CHRM3: variants seen among roughly 807,000 people sequenced by gnomAD.
CHRM3 encodes cholinergic receptor muscarinic 3.
Under a neutral mutation model 41.8 loss-of-function variants are expected in CHRM3, and 11 were observed. The ratio of observed to expected loss-of-function variants is 0.26; its 90% CI spans 0.17 to 0.44. The LOEUF is 0.44. Among genes scored for constraint, CHRM3 ranks in the 20% least tolerant of loss-of-function variants. The pLI is 1.00. For missense variants in CHRM3, 571 were observed against 745.4 expected (o/e 0.77, Z 2.72); for synonymous variants, 297 against 301.4 (o/e 0.99, Z 0.15).
intron 5 of CHRM3, among the ~76,000 whole-genome samples, chr1:239,739,857 T>C (rs1466643564): frequency 6.6e-6 from 1 of 152,170 alleles, no homozygotes; most frequent in African/African-American, 2.4e-5. Context: ...TGATGGGCCC[T>C]TCACATCTGG....
intron 1 of CHRM3, among the ~76,000 whole-genome samples, chr1:239,465,326 G>A (rs1665646834): frequency 6.6e-6 from 1 of 152,114 alleles, no homozygotes; most frequent in South Asian, 2.1e-4. Flanking sequence ...AATGGCATGA[G>A]ATATTTATAA....
At chr1:239,713,521 A>G (rs1353376917) in intron 5 of CHRM3, among the ~76,000 whole-genome samples, 1 of 152,216 alleles carries the variant, frequency 6.6e-6, no homozygotes. Flanking sequence ...CTGTAATCTT[A>G]TTCTGTTTAC....
chr1:239,699,571 G>C (rs1660499845), intron 5 of CHRM3, among the ~76,000 whole-genome samples: 1 of 152,140 alleles, frequency 6.6e-6, no homozygotes, highest in Non-Finnish European at 1.5e-5. Flanking sequence ...TCTTGCTTAA[G>C]TCACCCGATC....
rs371232279 is a variant in CHRM3 at position 239,602,090 on chromosome 1, A to ATATATGTGTGTGTGTGTGTG, written c.-312-30133_-312-30132insATATGTGTGTGTGTGTGTGT. Among the ~76,000 whole-genome samples the ATATATGTGTGTGTGTGTGTG allele has an allele frequency of 2.9e-4, 38 of 131,228 alleles. 1 individual carries two copies. The highest frequency in any genetic ancestry group is 8.4e-4 in the African/African-American group (26 of 30,862). The allele number at this position is 131,228 out of a possible 152,430, so 86.1% of individuals were successfully genotyped here. ...CACATATGTACACATACATATATAC[A>ATATATGTGTGTGTGTGTGTG]TGTGTGTGTGTGTGTGTGTGTATAT... On this transcript the variant is annotated intron_variant, in intron 3 of 6. Coordinates refer to ENST00000676153, the MANE Select transcript of CHRM3 (RefSeq NM_001375978.1).
At chr1:239,425,356 C>T (rs935749945) in intron 1 of CHRM3, among the ~76,000 whole-genome samples, 4 of 152,098 alleles carry the variant, frequency 2.6e-5, no homozygotes, top group African/African-American at 4.8e-5. Context: ...CTACTATGTG[C>T]CAAGCTTTAT....
intron 2 of CHRM3, among the ~76,000 whole-genome samples, chr1:239,521,084 A>G (rs1282087650): frequency 6.6e-6 from 1 of 152,254 alleles, no homozygotes; most frequent in Non-Finnish European, 1.5e-5. Flanking sequence ...TCAGATTTAT[A>G]TTAAAATGAA....
intron 2 of CHRM3, among the ~76,000 whole-genome samples, chr1:239,500,698 GA>G (rs955834516): frequency 2.8e-4 from 40 of 143,868 alleles, no homozygotes; most frequent in African/African-American, 8.1e-4. Flanking sequence ...ATGTTAAAAA[GA>G]AAAAAAAACA....
At chr1:239,721,022 T>C (rs1662918868) in intron 5 of CHRM3, among the ~76,000 whole-genome samples, 2 of 151,882 alleles carry the variant, frequency 1.3e-5, no homozygotes, top group Admixed American at 1.3e-4. Context: ...AAATGAGAAT[T>C]GTATATTGTG....
At chr1:239,671,215 A>T (rs1674331822) in intron 4 of CHRM3, among the ~76,000 whole-genome samples, 1 of 152,070 alleles carries the variant, frequency 6.6e-6, no homozygotes, top group African/African-American at 2.4e-5. Context: ...CATTTCTTCA[A>T]CTCAGTGAGG....
chr1:239,653,309 G>T (rs984906449), intron 4 of CHRM3, among the ~76,000 whole-genome samples: 4 of 152,154 alleles, frequency 2.6e-5, no homozygotes, highest in African/African-American at 9.7e-5. Flanking sequence ...GAGATGATGA[G>T]GAGTGAGGAG....
At chr1:239,607,441 G>C (rs1666468682) in intron 3 of CHRM3, among the ~76,000 whole-genome samples, 2 of 152,092 alleles carry the variant, frequency 1.3e-5, no homozygotes, top group Admixed American at 1.3e-4. Flanking sequence ...TCTTAGTTTG[G>C]AGGTTGCCTG....
intron 2 of CHRM3, among the ~76,000 whole-genome samples, chr1:239,519,728 T>C (rs555510347): frequency 6.8e-6 from 1 of 146,744 alleles, no homozygotes; most frequent in Admixed American, 6.8e-5. Flanking sequence ...TTTCACGTGG[T>C]TAAAAACTAG....
intron 5 of CHRM3, chr1:239,704,767 T>C (rs1660990407): frequency 6.6e-6 from 1 of 152,076 alleles, no homozygotes; most frequent in African/African-American, 2.4e-5. Context: ...AAGATACAAA[T>C]AGAGCTAGAG....
chr1:239,840,267 T>C (rs1673683028), intron 6 of CHRM3, among the ~76,000 whole-genome samples: 1 of 152,210 alleles, frequency 6.6e-6, no homozygotes, highest in African/African-American at 2.4e-5. Flanking sequence ...AAGAAGTCAG[T>C]TACCTTGGGA....
intron 6 of CHRM3, among the ~76,000 whole-genome samples, chr1:239,858,618 A>G (rs966339846): frequency 6.6e-6 from 1 of 152,080 alleles, no homozygotes; most frequent in African/African-American, 2.4e-5. Flanking sequence ...ATAACGTAAA[A>G]TTAGTCACGA....
intron 3 of CHRM3, among the ~76,000 whole-genome samples, chr1:239,576,249 TC>T (rs1662321308): frequency 6.8e-6 from 1 of 146,342 alleles, no homozygotes; most frequent in Non-Finnish European, 1.5e-5. Flanking sequence ...CTGTAAGACT[TC>T]CTAAACCCTC....
chr1:239,748,155 G>A lies in CHRM3; in HGVS notation c.-147+69867G>A, dbSNP rs1205266235. 6.6e-6 allele frequency among the ~76,000 whole-genome samples: 1 copy of A among 152,142 alleles called. No homozygotes were observed. Among genetic ancestry groups the A allele is most frequent in the East Asian group, 1.9e-4 (1 of 5,200 alleles). ...TCCAAAATTGTACTGGATTGCCAACGTTTGCATTATTTTAAACCACCACTT... is the reference window on the plus strand; with the variant it reads ...TCCAAAATTGTACTGGATTGCCAACATTTGCATTATTTTAAACCACCACTT... On this transcript the variant is annotated intron_variant, in intron 5 of 6. Coordinates refer to ENST00000676153, the MANE Select transcript of CHRM3 (RefSeq NM_001375978.1). This position sits in a 1 kb window ranked among gnomAD's most constrained non-coding sequence, Gnocchi z 4.3.
At chr1:239,702,147 A>ACTT (rs1330195819) in intron 5 of CHRM3, among the ~76,000 whole-genome samples, 4 of 152,132 alleles carry the variant, frequency 2.6e-5, no homozygotes, top group Admixed American at 6.6e-5. Flanking sequence ...ATGCTTGGTG[A>ACTT]ATGTTGCTGC....
At chr1:239,520,122 G>A (rs1669545236) in intron 2 of CHRM3, among the ~76,000 whole-genome samples, 1 of 152,132 alleles carries the variant, frequency 6.6e-6, no homozygotes, top group Non-Finnish European at 1.5e-5. Flanking sequence ...AGTCATTGCT[G>A]AGGAAGAATT....
Sources: gnomAD v4.1 joint callset for allele counts (sites outside exome capture counted in the v4.1 genomes callset) on GRCh38, gnomAD v4.1.1 for gene constraint, Gnocchi (gnomAD v3.1) non-coding constraint, MANE v1.5 for transcripts, NCBI Gene and HGNC (gene_info 2026-07-23, HGNC 2026-07-21) for gene names.